Variants in ABCA4 observed in about 807,000 individuals in gnomAD.
ABCA4 encodes retinal-specific phospholipid-transporting ATPase ABCA4.
A neutral mutation model predicts 263.7 loss-of-function variants in ABCA4; 196 were observed. The ratio of observed to expected loss-of-function variants is 0.74; its 90% CI spans 0.66 to 0.84. ABCA4 has a LOEUF of 0.84. Among genes scored for constraint, ABCA4 ranks in the 40% least tolerant of loss-of-function variants. The pLI is 0.00. For missense variants in ABCA4, 2,792 were observed against 2,855.1 expected (o/e 0.98, Z 0.50); for synonymous variants, 1,133 against 1,094.2 (o/e 1.04, Z -0.70).
chr1:94,117,026 CCTTTT>C (rs1232983255), intron 1 of ABCA4, among the ~76,000 whole-genome samples: 3 of 71,904 alleles, frequency 4.2e-5, no homozygotes, highest in Non-Finnish European at 8.3e-5. Context: ...TTCTTTCTTT[CCTTTT>C]CTTTCTTTCT....
At position 94,023,437 on chromosome 1, in the gene ABCA4, T is replaced by G. The variant is rs1659955030; in HGVS notation, c.4635-19A>C. 1 of 1,597,344 alleles carries G rather than the reference T, an allele frequency of 6.3e-7. No homozygotes were observed. The highest frequency in any genetic ancestry group is 8.6e-7 in the Non-Finnish European group (1 of 1,165,316). On this transcript the variant is annotated intron_variant, in intron 31 of 49. Transcript: ENST00000370225. ...CTTTAAGCTGAAAGCCAAAATAAAATAATGCAATGAATACCACAAGTACAG... is the reference window on the plus strand; with the variant it reads ...CTTTAAGCTGAAAGCCAAAATAAAAGAATGCAATGAATACCACAAGTACAG...
At chr1:94,022,816 C>T (rs1659938286) in intron 32 of ABCA4, among the ~76,000 whole-genome samples, 1 of 152,164 alleles carries the variant, frequency 6.6e-6, no homozygotes, top group Non-Finnish European at 1.5e-5. Context: ...ATCCTGAAAG[C>T]CAGATTTCAT....
In ABCA4 at chr1:94,018,090, C is replaced by T. The variant is rs139535620; in HGVS notation, c.5196+1492G>A. ...ACATGATGCCTACCATCTTCTACCC[C>T]TTCATTGGACTGCCAGCTAGTATCA... On this transcript the variant is annotated intron_variant, in intron 36 of 49. Coordinates refer to ENST00000370225, the MANE Select transcript of ABCA4 (RefSeq NM_000350.3). Among the ~76,000 whole-genome samples the T allele has an allele frequency of 2.8e-3, 426 of 152,300 alleles. 3 individuals are homozygous for T. Among genetic ancestry groups the T allele is most frequent in the African/African-American group, 9.8e-3 (406 of 41,560 alleles).
intron 13 of ABCA4, 96 bp from the exon 14 acceptor site, chr1:94,060,855 C>T: frequency 9.5e-7 from 1 of 1,048,670 alleles, no homozygotes; most frequent in Non-Finnish European, 1.4e-6. Context: ...GAACAAAGCC[C>T]AGATGGAGGG....
intron 45 of ABCA4, 194 bp downstream of exon 45, chr1:94,001,664 C>G (rs1206603680): frequency 7.4e-6 from 6 of 808,074 alleles, no homozygotes; most frequent in Non-Finnish European, 1.2e-5. Context: ...AAGGCTGTGC[C>G]GTGACTTGTT....
intron 26 of ABCA4, among the ~76,000 whole-genome samples, chr1:94,033,423 CAAAAAAAAA>C (rs11459922): frequency 9.2e-6 from 1 of 109,064 alleles, no homozygotes; most frequent in Non-Finnish European, 1.8e-5. Context: ...AACTCTATCT[CAAAAAAAAA>C]AAAAAGAAAA....
chr1:94,055,057 G>T, intron 16 of ABCA4, 54 bp downstream of exon 16: 1 of 1,490,478 alleles, frequency 6.7e-7, no homozygotes, highest in Non-Finnish European at 9.4e-7. Context: ...GAATGGAGAG[G>T]GCTGGGGATC....
intron 37 of ABCA4, 140 bp from the exon 38 acceptor site, chr1:94,014,830 T>C: frequency 9.2e-7 from 1 of 1,090,194 alleles, no homozygotes; most frequent in African/African-American, 1.5e-5. Flanking sequence ...AGAGAGATAC[T>C]CCATTTGTTG....
At chr1:94,023,333 T>C (rs1659949680) in intron 32 of ABCA4, 53 bp downstream of exon 32, 22 of 1,469,664 alleles carry the variant, frequency 1.5e-5, no homozygotes, top group Non-Finnish European at 2.1e-5. Context: ...TGTGCAATTA[T>C]TTCAACAATG....
chr1:94,112,899 C>A, intron 2 of ABCA4, 74 bp downstream of exon 2: 2 of 1,150,592 alleles, frequency 1.7e-6, no homozygotes, highest in African/African-American at 1.5e-5. Flanking sequence ...CACTCCCACC[C>A]CAAGATCTTT....
At chr1:93,999,630 C>G (rs1659122479) in intron 47 of ABCA4, among the ~76,000 whole-genome samples, 1 of 152,180 alleles carries the variant, frequency 6.6e-6, no homozygotes, top group Non-Finnish European at 1.5e-5. Flanking sequence ...ACCCTATGCC[C>G]TGGTATCCTG....
intron 4 of ABCA4, among the ~76,000 whole-genome samples, chr1:94,108,180 G>A (rs918358924): frequency 6.6e-6 from 1 of 152,172 alleles, no homozygotes; most frequent in Non-Finnish European, 1.5e-5. Flanking sequence ...CTTAATGATA[G>A]TTGGCCTTGC....
At chr1:94,068,521 G>A (rs994417394) in intron 11 of ABCA4, among the ~76,000 whole-genome samples, 1 of 152,186 alleles carries the variant, frequency 6.6e-6, no homozygotes, top group African/African-American at 2.4e-5. Flanking sequence ...ATTAGTGCAC[G>A]TATGTACATA....
intron 36 of ABCA4, among the ~76,000 whole-genome samples, chr1:94,016,359 A>G (rs1373069863): frequency 1.3e-5 from 2 of 152,188 alleles, no homozygotes; most frequent in Non-Finnish European, 2.9e-5. Context: ...GGGCTTCCTC[A>G]GGGGGCAACC....
At chr1:94,047,944 T>A (rs1043386808) in intron 18 of ABCA4, among the ~76,000 whole-genome samples, 1 of 152,190 alleles carries the variant, frequency 6.6e-6, no homozygotes, top group African/African-American at 2.4e-5. Flanking sequence ...TTTCTTTCCC[T>A]AGGGGGAAAA....
chr1:94,086,909 A>G (rs1661846625), intron 6 of ABCA4, among the ~76,000 whole-genome samples: 1 of 152,204 alleles, frequency 6.6e-6, no homozygotes, highest in African/African-American at 2.4e-5. Context: ...ACAAAATACC[A>G]TAAGCTGGGT....
chr1:94,062,798 GCTCA>G, intron 12 of ABCA4, 45 bp from the exon 13 acceptor site: 1 of 1,597,026 alleles, frequency 6.3e-7, no homozygotes, highest in Non-Finnish European at 8.6e-7. Flanking sequence ...GGCTTGGATA[GCTCA>G]CTCACACCTC....
chr1:94,067,605 C>A (rs1346885780), intron 11 of ABCA4, among the ~76,000 whole-genome samples: 1 of 152,232 alleles, frequency 6.6e-6, no homozygotes, highest in African/African-American at 2.4e-5. Flanking sequence ...GATCTGTTGC[C>A]ATTTCCTAAT....
chr1:94,099,518 A>C (rs1384110646), intron 5 of ABCA4, among the ~76,000 whole-genome samples: 4 of 152,204 alleles, frequency 2.6e-5, no homozygotes, highest in Non-Finnish European at 5.9e-5. Context: ...ACCTCATCTT[A>C]TCAGAGTGCC....
Sources: gnomAD v4.1 joint callset for allele counts (sites outside exome capture counted in the v4.1 genomes callset) on GRCh38, gnomAD v4.1.1 for gene constraint, MANE v1.5 for transcripts, NCBI Gene and HGNC (gene_info 2026-07-23, HGNC 2026-07-21) for gene names.